MAGI3: variants seen among roughly 807,000 people sequenced by gnomAD.
MAGI3 encodes membrane-associated guanylate kinase, WW and PDZ domain-containing protein 3.
Under a neutral mutation model 121.8 loss-of-function variants are expected in MAGI3, and 43 were observed. That is an observed-to-expected ratio of 0.35 (90% CI 0.28 to 0.46). The LOEUF (loss-of-function observed/expected upper bound fraction) is 0.46. Among genes scored for constraint, MAGI3 ranks in the 20% least tolerant of loss-of-function variants. MAGI3 has a pLI of 1.00. For missense variants in MAGI3, 1,547 were observed against 1,797.3 expected (o/e 0.86, Z 2.52); for synonymous variants, 553 against 639.3 (o/e 0.86, Z 2.04).
chr1:113,448,754 G>T (rs1031648376), intron 1 of MAGI3, among the ~76,000 whole-genome samples: 2 of 151,964 alleles, frequency 1.3e-5, no homozygotes, highest in African/African-American at 4.8e-5. Flanking sequence ...AAAGTGCTGG[G>T]ATTACAGGCA....
intron 20 of MAGI3, 78 bp downstream of exon 20, chr1:113,681,414 A>G (rs566100856): frequency 1.4e-6 from 2 of 1,468,354 alleles, no homozygotes; most frequent in African/African-American, 2.8e-5. Context: ...ATATATTTGG[A>G]GAGGATAGAT....
intron 12 of MAGI3, among the ~76,000 whole-genome samples, chr1:113,648,163 C>T (rs1195760480): frequency 3.9e-5 from 6 of 152,040 alleles, no homozygotes; most frequent in Admixed American, 1.3e-4. Flanking sequence ...CCTCGTGATC[C>T]GCCCACCTCG....
chr1:113,430,164 T>A (rs1410960661), intron 1 of MAGI3, among the ~76,000 whole-genome samples: 1 of 152,220 alleles, frequency 6.6e-6, no homozygotes, highest in African/African-American at 2.4e-5. Context: ...CATTTCTTTT[T>A]TTCTTCTTAT....
intron 1 of MAGI3, among the ~76,000 whole-genome samples, chr1:113,523,223 A>C (rs1050931373): frequency 6.6e-6 from 1 of 152,150 alleles, no homozygotes; most frequent in Non-Finnish European, 1.5e-5. Context: ...TCTTTTGTAA[A>C]TTGCCCAGTC....
intron 2 of MAGI3, among the ~76,000 whole-genome samples, chr1:113,567,114 G>A (rs370115837): frequency 1.3e-5 from 2 of 151,680 alleles, no homozygotes; most frequent in African/African-American, 4.8e-5. Flanking sequence ...TATAACTGAT[G>A]TCACAGAAAT....
At chr1:113,437,809 C>T (rs995933128) in intron 1 of MAGI3, among the ~76,000 whole-genome samples, 9 of 5,154 alleles carry the variant, frequency 1.7e-3, no homozygotes, top group African/African-American at 0.014. Flanking sequence ...TTCTTCTTTT[C>T]TTCTTCTTCT....
intron 8 of MAGI3, among the ~76,000 whole-genome samples, chr1:113,620,995 A>T (rs77892281): frequency 0.13 from 19,334 of 152,234 alleles, 1,303 homozygotes; most frequent in East Asian, 0.19. Context: ...AGACATGTAC[A>T]AGTTACAGTG....
chr1:113,661,075 A>C (rs773282333), intron 16 of MAGI3, among the ~76,000 whole-genome samples: 1 of 152,238 alleles, frequency 6.6e-6, no homozygotes, highest in Non-Finnish European at 1.5e-5. Flanking sequence ...AGCTAGTTAC[A>C]TGACAAAAAA....
chr1:113,441,943 A>G (rs1401617170), intron 1 of MAGI3, among the ~76,000 whole-genome samples: 1 of 152,200 alleles, frequency 6.6e-6, no homozygotes, highest in Non-Finnish European at 1.5e-5. Context: ...GAGAATTAAC[A>G]TCTGATTATT....
chr1:113,441,271 C>T (rs535412995), intron 1 of MAGI3, among the ~76,000 whole-genome samples: 3 of 152,280 alleles, frequency 2.0e-5, no homozygotes, highest in Non-Finnish European at 4.4e-5. Flanking sequence ...TACCCCTCAG[C>T]TTCCTATTAT....
At chr1:113,397,075 A>G (rs1452136348) in intron 1 of MAGI3, among the ~76,000 whole-genome samples, 1 of 152,178 alleles carries the variant, frequency 6.6e-6, no homozygotes, top group Non-Finnish European at 1.5e-5. Context: ...ATAAAATACT[A>G]TATTGTACTG....
chr1:113,580,356 G>A (rs992451167), intron 2 of MAGI3, among the ~76,000 whole-genome samples, 186 bp from the exon 3 acceptor site: 1 of 152,008 alleles, frequency 6.6e-6, no homozygotes, highest in Non-Finnish European at 1.5e-5. Context: ...GTGTGCACAT[G>A]TATCAAAACA....
chr1:113,537,460 G>A (rs1394504272), intron 1 of MAGI3, among the ~76,000 whole-genome samples: 1 of 152,160 alleles, frequency 6.6e-6, no homozygotes, highest in African/African-American at 2.4e-5. Context: ...ACACCTCCCA[G>A]TTAAGAACCT....
intron 19 of MAGI3, 71 bp downstream of exon 19, chr1:113,673,536 GATTT>G (rs1341841612): frequency 2.7e-6 from 4 of 1,487,654 alleles, no homozygotes; most frequent in Non-Finnish European, 2.7e-6. Context: ...ATTAATAATT[GATTT>G]AAAGGGAATG....
chr1:113,495,221 A>T (rs574116535), intron 1 of MAGI3, among the ~76,000 whole-genome samples: 13 of 152,222 alleles, frequency 8.5e-5, no homozygotes, highest in East Asian at 1.9e-4. Flanking sequence ...ATTTTTTTTT[A>T]AAACCCATTT....
At chr1:113,449,617 A>G (rs1654377668) in intron 1 of MAGI3, 3 of 662,320 alleles carry the variant, frequency 4.5e-6, no homozygotes, top group Non-Finnish European at 5.4e-6. Flanking sequence ...TGAGTTTATT[A>G]TCAACATTCA....
At chr1:113,517,568 C>G (rs1247986827) in intron 1 of MAGI3, among the ~76,000 whole-genome samples, 1 of 151,942 alleles carries the variant, frequency 6.6e-6, no homozygotes, top group Admixed American at 6.6e-5. Flanking sequence ...CTCCCCTTCC[C>G]CCTTAAAATT....
intron 1 of MAGI3, among the ~76,000 whole-genome samples, chr1:113,464,225 C>T (rs552171246): frequency 1.3e-5 from 2 of 152,176 alleles, no homozygotes; most frequent in Admixed American, 1.3e-4. Context: ...TTTTTTGGCT[C>T]CCACATATGA....
intron 1 of MAGI3, among the ~76,000 whole-genome samples, chr1:113,505,512 TAATAAATAAATA>T (rs58511819): frequency 3.2e-4 from 43 of 135,598 alleles, no homozygotes; most frequent in Middle Eastern, 3.7e-3. Flanking sequence ...GGTCCCTACA[TAATAAATAAATA>T]AATAAATAAA....
Sources: gnomAD v4.1 joint callset for allele counts (sites outside exome capture counted in the v4.1 genomes callset) on GRCh38, gnomAD v4.1.1 for gene constraint, MANE v1.5 for transcripts, NCBI Gene and HGNC (gene_info 2026-07-23, HGNC 2026-07-21) for gene names.